The following RPS6KC1 variants were observed in gnomAD, a reference collection of about 807,000 sequenced individuals.
RPS6KC1 encodes the protein inactive ribosomal protein S6 kinase delta-1.
In RPS6KC1, 54 loss-of-function variants were observed where a neutral mutation model predicts 103.8. That is an observed-to-expected ratio of 0.52 (90% CI 0.42 to 0.65). RPS6KC1 has a LOEUF of 0.65. Among genes scored for constraint, RPS6KC1 ranks in the 30% least tolerant of loss-of-function variants. The pLI is 0.00. For missense variants in RPS6KC1, 1,151 were observed against 1,253.8 expected (o/e 0.92, Z 1.24); for synonymous variants, 439 against 438.7 (o/e 1.00, Z -0.01).
chr1:213,192,496 T>G (rs570406349), intron 8 of RPS6KC1, among the ~76,000 whole-genome samples: 2 of 152,284 alleles, frequency 1.3e-5, no homozygotes, highest in South Asian at 4.1e-4. Context: ...GTGAAGCCAT[T>G]GGGACCTGGG....
At chr1:213,306,914 T>C in the RPS6KC1 span, among the ~76,000 whole-genome samples, 3 of 152,146 alleles carry the variant, frequency 2.0e-5, no homozygotes, top group Admixed American at 6.5e-5. Flanking sequence ...TGTGGTGGGT[T>C]AGGGAAGTAG....
chr1:213,784,939 G>A, the RPS6KC1 span, among the ~76,000 whole-genome samples: 1 of 152,172 alleles, frequency 6.6e-6, no homozygotes, highest in East Asian at 1.9e-4. Flanking sequence ...AAATGTGGAG[G>A]CAATAACTGC....
chr1:213,688,866 C>T, the RPS6KC1 span, among the ~76,000 whole-genome samples: 489 of 152,294 alleles, frequency 3.2e-3, no homozygotes, highest in Non-Finnish European at 5.4e-3. Flanking sequence ...CTGTGTAAGC[C>T]TTCCCAGTCT....
intron 3 of RPS6KC1, among the ~76,000 whole-genome samples, chr1:213,092,515 C>T (rs1467657593): frequency 1.5e-3 from 4 of 2,660 alleles, no homozygotes; most frequent in African/African-American, 5.8e-3. Flanking sequence ...ACTAAAAATA[C>T]GAAAAATTAG....
chr1:213,419,824 G>C, the RPS6KC1 span, among the ~76,000 whole-genome samples: 1 of 152,206 alleles, frequency 6.6e-6, no homozygotes, highest in South Asian at 2.1e-4. Context: ...TGTTCCAGTG[G>C]AAATCTGCCA....
At chr1:213,310,288 G>T in the RPS6KC1 span, among the ~76,000 whole-genome samples, 2 of 152,088 alleles carry the variant, frequency 1.3e-5, no homozygotes, top group African/African-American at 4.8e-5. Flanking sequence ...TAAAATCCCA[G>T]GTCCTCACAG....
intron 12 of RPS6KC1, among the ~76,000 whole-genome samples, chr1:213,254,894 T>C (rs2094608052): frequency 6.6e-6 from 1 of 152,108 alleles, no homozygotes; most frequent in Admixed American, 6.6e-5. Context: ...ATTGCAATTA[T>C]AGAATGTAGC....
the RPS6KC1 span, among the ~76,000 whole-genome samples, chr1:213,758,319 T>G: frequency 6.6e-6 from 1 of 152,190 alleles, no homozygotes; most frequent in East Asian, 1.9e-4. Context: ...GGCTCACACC[T>G]GTAATCCCAG....
At chr1:213,295,730 A>T in the RPS6KC1 span, among the ~76,000 whole-genome samples, 1 of 152,206 alleles carries the variant, frequency 6.6e-6, no homozygotes, top group Non-Finnish European at 1.5e-5. Context: ...TCCTACCTAT[A>T]TCAGGAAAAC....
intron 7 of RPS6KC1, among the ~76,000 whole-genome samples, 182 bp downstream of exon 7, chr1:213,168,155 G>A (rs979552754): frequency 1.2e-4 from 19 of 152,312 alleles, no homozygotes; most frequent in Middle Eastern, 3.4e-3. Flanking sequence ...AATAAAATAA[G>A]ACTTGCTTTC....
chr1:213,628,232 A>G, the RPS6KC1 span, among the ~76,000 whole-genome samples: 5 of 152,116 alleles, frequency 3.3e-5, no homozygotes, highest in Admixed American at 2.0e-4. Flanking sequence ...GTATTCTCTG[A>G]TGGTAGTTTG....
chr1:213,545,858 C>G, the RPS6KC1 span, among the ~76,000 whole-genome samples: 4 of 152,176 alleles, frequency 2.6e-5, no homozygotes, highest in Non-Finnish European at 5.9e-5. Context: ...TCTCATTCCT[C>G]TTGTGTGTGT....
the RPS6KC1 span, among the ~76,000 whole-genome samples, chr1:213,567,850 A>G: frequency 1.3e-5 from 2 of 152,206 alleles, no homozygotes; most frequent in Non-Finnish European, 2.9e-5. Context: ...TTGCAAGGCT[A>G]GAGAAACCCA....
the RPS6KC1 span, among the ~76,000 whole-genome samples, chr1:213,325,855 CG>C: frequency 6.6e-5 from 10 of 152,220 alleles, no homozygotes; most frequent in Non-Finnish European, 1.2e-4. Flanking sequence ...GGGTTTCTTT[CG>C]TTCACAGGAT....
At chr1:213,765,201 C>G in the RPS6KC1 span, among the ~76,000 whole-genome samples, 1 of 152,174 alleles carries the variant, frequency 6.6e-6, no homozygotes, top group Admixed American at 6.5e-5. Flanking sequence ...CTTCCTTGGC[C>G]TTCTTGGGCG....
chr1:213,554,165 A>G, the RPS6KC1 span, among the ~76,000 whole-genome samples: 1 of 152,136 alleles, frequency 6.6e-6, no homozygotes, highest in African/African-American at 2.4e-5. Flanking sequence ...TAGGTTTGAC[A>G]TTTAAGTCTT....
chr1:213,589,065 A>C, the RPS6KC1 span, among the ~76,000 whole-genome samples: 6 of 152,142 alleles, frequency 3.9e-5, no homozygotes, highest in Non-Finnish European at 8.8e-5. Flanking sequence ...GCAGGGGCTT[A>C]GTGCTCTGGA....
chr1:213,209,656 C>G (rs572850303), intron 8 of RPS6KC1, among the ~76,000 whole-genome samples: 1 of 132,606 alleles, frequency 7.5e-6, no homozygotes, highest in Admixed American at 8.5e-5. Context: ...GATCATGCCA[C>G]TGCACTCCTG....
At chr1:213,859,511 A>C in the RPS6KC1 span, among the ~76,000 whole-genome samples, 2 of 152,182 alleles carry the variant, frequency 1.3e-5, no homozygotes, top group Non-Finnish European at 2.9e-5. Flanking sequence ...GTAAAGACGC[A>C]CCTCTGCCAT....
Sources: gnomAD v4.1 joint callset for allele counts (sites outside exome capture counted in the v4.1 genomes callset) on GRCh38, gnomAD v4.1.1 for gene constraint, MANE v1.5 for transcripts, NCBI Gene and HGNC (gene_info 2026-07-23, HGNC 2026-07-21) for gene names.